The following TENM4 variants were observed in gnomAD, a reference collection of about 807,000 sequenced individuals.
TENM4 encodes teneurin-4.
TENM4 carries 82 observed loss-of-function variants against 243.3 expected under a neutral mutation model. That is an observed-to-expected ratio of 0.34 (90% CI 0.28 to 0.40). The LOEUF is 0.40. TENM4 is among the 10% of genes least tolerant of loss of function. The probability of loss-of-function intolerance (pLI) is 1.00; values close to 1 mark genes in which losing one functional copy is unlikely to be tolerated. For synonymous variants in TENM4, 1,412 were observed against 1,456.3 expected, an observed-to-expected ratio of 0.97 and a Z score of 0.69; for missense variants, 3,138 against 3,673.3, an observed-to-expected ratio of 0.85 and a Z score of 3.77.
intron 12 of TENM4, among the ~76,000 whole-genome samples, chr11:78,834,173 T>A (rs1858044925): frequency 2.0e-5 from 3 of 152,244 alleles, no homozygotes. Flanking sequence ...AACCCATTTA[T>A]GGGAATTTTA....
At chr11:79,374,212 T>C (rs1009240897) in intron 1 of TENM4, among the ~76,000 whole-genome samples, 2 of 152,088 alleles carry the variant, frequency 1.3e-5, no homozygotes, top group African/African-American at 2.4e-5. Context: ...CAATGACCCC[T>C]CCAAATCGCC....
intron 6 of TENM4, among the ~76,000 whole-genome samples, chr11:78,941,058 T>A (rs1176135352): frequency 1.2e-4 from 19 of 152,202 alleles, no homozygotes. Context: ...CAGGCAGGCA[T>A]GTCCCCCGCA....
chr11:79,181,211 A>T (rs77800095), intron 3 of TENM4, among the ~76,000 whole-genome samples: 1 of 152,170 alleles, frequency 6.6e-6, no homozygotes, highest in East Asian at 1.9e-4. Flanking sequence ...TAGCAAATAA[A>T]ATCCAACAAT....
intron 28 of TENM4, among the ~76,000 whole-genome samples, chr11:78,696,452 C>T (rs1190233423): frequency 4.0e-5 from 6 of 150,856 alleles, no homozygotes; most frequent in Admixed American, 2.0e-4. Context: ...CAGTTGAAAG[C>T]GTGACATCTT....
intron 1 of TENM4, among the ~76,000 whole-genome samples, chr11:79,399,568 T>C (rs1352164257): frequency 6.6e-6 from 1 of 152,162 alleles, no homozygotes; most frequent in African/African-American, 2.4e-5. Context: ...AAAGCAAGGC[T>C]CCCTTATAAT....
rs1470603079 is a variant in TENM4 at position 78,658,286 on chromosome 11, G to A, written c.8082C>T (p.Ala2694=). Reference sequence around the variant, plus strand: ...ACGCTTGGCGCACGGCTCTCTGCCGGGCCAGCTCCAGGACCCGTGCCTTCT... The same window carrying A: ...ACGCTTGGCGCACGGCTCTCTGCCGAGCCAGCTCCAGGACCCGTGCCTTCT... ...DEEKARVLEL[A]RQRAVRQAWA... is the part of the protein sequence containing the mutation. The change falls in exon 34 of 34, where the codon GCC becomes GCT. Residue 2694 remains alanine (A), a synonymous_variant. Coordinates refer to ENST00000278550, the MANE Select transcript of TENM4 (RefSeq NM_001098816.3). 4 of 1,612,714 alleles carry A rather than the reference G, an allele frequency of 2.5e-6. No homozygotes were observed. The highest frequency in any genetic ancestry group is 4.5e-5 in the East Asian group (2 of 44,854).
intron 1 of TENM4, among the ~76,000 whole-genome samples, chr11:79,323,313 T>C (rs1040660493): frequency 4.6e-5 from 7 of 152,218 alleles, no homozygotes; most frequent in Non-Finnish European, 8.8e-5. Context: ...GACAGGTGAA[T>C]AAGTGAACCA....
intron 3 of TENM4, chr11:79,191,854 C>T: frequency 5.4e-6 from 1 of 184,460 alleles, no homozygotes. Flanking sequence ...TGCCTGGCAA[C>T]CGCCCCGTCT....
At chr11:79,375,634 G>A (rs1374836008) in intron 1 of TENM4, among the ~76,000 whole-genome samples, 3 of 152,042 alleles carry the variant, frequency 2.0e-5, no homozygotes, top group Admixed American at 6.6e-5. Context: ...TACCTGCCAC[G>A]TAGGATAGAC....
chr11:78,951,830 T>A (rs1050038062), intron 6 of TENM4, among the ~76,000 whole-genome samples: 1 of 152,186 alleles, frequency 6.6e-6, no homozygotes, highest in Non-Finnish European at 1.5e-5. Flanking sequence ...GGGTGGTGAA[T>A]GTTGATGGTG....
intron 1 of TENM4, among the ~76,000 whole-genome samples, chr11:79,360,238 C>T (rs1857568133): frequency 6.6e-6 from 1 of 152,174 alleles, no homozygotes; most frequent in African/African-American, 2.4e-5. Flanking sequence ...TCATACTGGG[C>T]TGGGCATACA....
chr11:78,810,360 G>C (rs1303982472), intron 14 of TENM4, among the ~76,000 whole-genome samples: 1 of 152,154 alleles, frequency 6.6e-6, no homozygotes, highest in Non-Finnish European at 1.5e-5. Flanking sequence ...CTGCAGCTCT[G>C]GGGTGCTGTG....
intron 1 of TENM4, among the ~76,000 whole-genome samples, chr11:79,297,756 C>T (rs983514324): frequency 6.6e-6 from 1 of 152,096 alleles, no homozygotes; most frequent in Non-Finnish European, 1.5e-5. Flanking sequence ...GCAGGACGCT[C>T]GCTGATGGTG....
intron 4 of TENM4, among the ~76,000 whole-genome samples, chr11:79,118,704 G>A (rs1387516997): frequency 6.6e-6 from 1 of 152,152 alleles, no homozygotes; most frequent in Non-Finnish European, 1.5e-5. Context: ...TCTTCAGGTT[G>A]ATCCACGTTG....
At chr11:79,439,992 T>G (rs1050009044) in intron 1 of TENM4, among the ~76,000 whole-genome samples, 6 of 151,734 alleles carry the variant, frequency 4.0e-5, no homozygotes, top group African/African-American at 1.5e-4. Context: ...ATCTCCAGGA[T>G]CTGAGCTCCA....
At chr11:79,368,788 T>C (rs369657998) in intron 1 of TENM4, among the ~76,000 whole-genome samples, 48 of 152,362 alleles carry the variant, frequency 3.2e-4, no homozygotes, top group African/African-American at 1.0e-3. Flanking sequence ...TAAGCTTTTA[T>C]CACCATCGTC....
At chr11:78,814,219 G>C in intron 13 of TENM4, 75 bp downstream of exon 13, 3 of 1,406,508 alleles carry the variant, frequency 2.1e-6, no homozygotes, top group Non-Finnish European at 1.9e-6. Flanking sequence ...TTCTGCACTT[G>C]CTCTGAGAAG....
chr11:79,416,493 C>A (rs1302619036), intron 1 of TENM4, among the ~76,000 whole-genome samples: 1 of 152,016 alleles, frequency 6.6e-6, no homozygotes, highest in African/African-American at 2.4e-5. Context: ...CTTTCATGTG[C>A]CTCTTTTTTG....
At chr11:78,838,421 T>G (rs1353779530) in intron 12 of TENM4, among the ~76,000 whole-genome samples, 7 of 152,248 alleles carry the variant, frequency 4.6e-5, no homozygotes, top group Non-Finnish European at 1.0e-4. Context: ...ATGTAAACAT[T>G]TCTCAATCTT....
Sources: gnomAD v4.1 joint callset for allele counts (sites outside exome capture counted in the v4.1 genomes callset) on GRCh38, gnomAD v4.1.1 for gene constraint, MANE v1.5 for transcripts, NCBI Gene and HGNC (gene_info 2026-07-23, HGNC 2026-07-21) for gene names.